Variants in RAI2 observed in about 807,000 individuals in gnomAD.
RAI2 encodes retinoic acid-induced protein 2.
In RAI2, 5 loss-of-function variants were observed where a neutral mutation model predicts 15.3. That is an observed-to-expected ratio of 0.33 (90% CI 0.17 to 0.69). The LOEUF (loss-of-function observed/expected upper bound fraction) is 0.69. RAI2 is among the 30% of genes least tolerant of loss of function. RAI2 has a pLI of 0.69. For missense variants in RAI2, 424 were observed against 424.7 expected, an observed-to-expected ratio of 1.00 and a Z score of 0.01; for synonymous variants, 191 against 184.0, an observed-to-expected ratio of 1.04 and a Z score of -0.31.
chrX:17,857,817 T>C (rs2067632675), intron 1 of RAI2, among the ~76,000 whole-genome samples: 1 of 112,146 alleles, frequency 8.9e-6, no homozygotes, highest in Non-Finnish European at 1.9e-5. Flanking sequence ...GACTCCAAGA[T>C]GAAAGGGTAC....
intron 1 of RAI2, among the ~76,000 whole-genome samples, chrX:17,822,342 G>T (rs146769452): frequency 3.6e-5 from 4 of 111,909 alleles, no homozygotes; most frequent in African/African-American, 9.8e-5. Context: ...AAACAGGAGA[G>T]AGACCCGTGA....
chrX:17,828,478 GC>G (rs2067249723), intron 1 of RAI2, among the ~76,000 whole-genome samples: 1 of 111,751 alleles, frequency 8.9e-6, no homozygotes, highest in Non-Finnish European at 1.9e-5. Flanking sequence ...TATTCCTCAA[GC>G]CCTTTTGCCT....
At chrX:17,805,236 C>T (rs757754023) in intron 1 of RAI2, among the ~76,000 whole-genome samples, 5 of 113,040 alleles carry the variant, frequency 4.4e-5, no homozygotes, top group South Asian at 3.6e-4. Context: ...CCTTCAACAC[C>T]GAGTGCATGT....
intron 1 of RAI2, among the ~76,000 whole-genome samples, chrX:17,849,210 G>C (rs1273737346): frequency 1.8e-5 from 2 of 112,640 alleles, no homozygotes; most frequent in Non-Finnish European, 3.8e-5. Context: ...TGTAAAGTCT[G>C]CAGAGAGCAG....
chrX:17,851,266 A>G (rs1386833210), intron 1 of RAI2, among the ~76,000 whole-genome samples: 1 of 112,587 alleles, frequency 8.9e-6, no homozygotes, highest in Non-Finnish European at 1.9e-5. Flanking sequence ...TTTCACATTC[A>G]ATAATTTTAT....
chrX:17,822,830 C>T (rs1309301210), intron 1 of RAI2, among the ~76,000 whole-genome samples: 2 of 112,151 alleles, frequency 1.8e-5, no homozygotes, highest in East Asian at 5.6e-4. Flanking sequence ...TCCACAAGAT[C>T]AAGACAACTT....
chrX:17,853,724 A>T (rs958606091), intron 1 of RAI2, among the ~76,000 whole-genome samples: 3 of 111,603 alleles, frequency 2.7e-5, no homozygotes, highest in Non-Finnish European at 5.7e-5. Flanking sequence ...AGGCAGGTTT[A>T]CATATATGTT....
chrX:17,837,179 T>C (rs922788002), intron 1 of RAI2, among the ~76,000 whole-genome samples: 1 of 111,028 alleles, frequency 9.0e-6, no homozygotes, highest in Non-Finnish European at 1.9e-5. Context: ...AGCACACAGA[T>C]AGGTGGAGGT....
chrX:17,823,266 T>C (rs187373669), intron 1 of RAI2, among the ~76,000 whole-genome samples: 1 of 112,315 alleles, frequency 8.9e-6, no homozygotes, highest in Admixed American at 9.4e-5. Context: ...ACATGGTAAA[T>C]ACTCAGTAGG....
At chrX:17,802,688 T>C (rs1358162854) in intron 1 of RAI2, among the ~76,000 whole-genome samples, 1 of 111,625 alleles carries the variant, frequency 9.0e-6, no homozygotes, top group Non-Finnish European at 1.9e-5. Context: ...GGTCATTGGG[T>C]CCACTGTCAC....
intron 1 of RAI2, among the ~76,000 whole-genome samples, chrX:17,830,704 T>C (rs1217303105): frequency 5.4e-5 from 6 of 110,991 alleles, no homozygotes; most frequent in African/African-American, 2.0e-4. Context: ...TATTGCTTCC[T>C]TGCAAAGGAA....
At chrX:17,802,977 C>T (rs182199341) in intron 1 of RAI2, among the ~76,000 whole-genome samples, 1 of 111,596 alleles carries the variant, frequency 9.0e-6, no homozygotes, top group East Asian at 2.8e-4. Flanking sequence ...TATTTGGCCT[C>T]GTTACCATGG....
chrX:17,849,888 CTCT>C (rs1417100987), intron 1 of RAI2, among the ~76,000 whole-genome samples: 1 of 112,637 alleles, frequency 8.9e-6, no homozygotes, highest in African/African-American at 3.2e-5. Flanking sequence ...TCCTTTTCTT[CTCT>C]TTTTTTCTTT....
chrX:17,821,743 G>A (rs1258029766), intron 1 of RAI2, among the ~76,000 whole-genome samples: 1 of 111,553 alleles, frequency 9.0e-6, no homozygotes, highest in African/African-American at 3.3e-5. Flanking sequence ...CAAAGGCTCA[G>A]AAAAGGTGAC....
chrX:17,801,336 G>A lies in RAI2; in HGVS notation c.675C>T (p.Val225=), dbSNP rs2066906483. ...ACGGCACCAAGAGGGTGGCTGGTGG[G>A]ACCAGGGGGGACAAGGGGGAGCTAA... The part of the protein sequence containing the change: ...QPFSSPLSPL[V]PPATLLVPYP... The change falls in exon 2 of 2, where the codon GTC becomes GTT. Residue 225 remains valine, a synonymous_variant. Coordinates refer to ENST00000451717, the MANE Select transcript of RAI2 (RefSeq NM_021785.6). 1 of 1,156,842 alleles carries A rather than the reference G, an allele frequency of 8.6e-7. No individual in the cohort carries two copies. Among genetic ancestry groups the A allele is most frequent in the Non-Finnish European group, 1.2e-6 (1 of 869,178 alleles).
intron 1 of RAI2, among the ~76,000 whole-genome samples, chrX:17,823,927 C>T (rs2067198700): frequency 9.0e-6 from 1 of 111,435 alleles, no homozygotes; most frequent in Non-Finnish European, 1.9e-5. Flanking sequence ...TCAGGAGGCC[C>T]AGACACAATC....
At chrX:17,803,183 C>T (rs17312555) in intron 1 of RAI2, among the ~76,000 whole-genome samples, 2,671 of 111,271 alleles carry the variant, frequency 0.024, 39 homozygotes, top group Non-Finnish European at 0.04. Context: ...AAATTACCAA[C>T]ACAACCTCCA....
intron 1 of RAI2, among the ~76,000 whole-genome samples, chrX:17,846,960 T>C (rs2067468553): frequency 9.0e-6 from 1 of 111,584 alleles, no homozygotes; most frequent in African/African-American, 3.3e-5. Context: ...CTCAAGAGAT[T>C]TGATGGTTTT....
At position 17,826,978 on chromosome X, in the gene RAI2, T is replaced by A. The variant is rs778120033; in HGVS notation, c.-24-24944A>T. Reference sequence around the variant, plus strand: ...TCTTTATAGCAATGTGAAAACAAACTAATGCATAGATTCCATTTATTTTGG... The same window carrying A: ...TCTTTATAGCAATGTGAAAACAAACAAATGCATAGATTCCATTTATTTTGG... On this transcript the variant is annotated intron_variant, in intron 1 of 1. Transcript: ENST00000451717. Among the ~76,000 whole-genome samples, 69 of 112,678 alleles carry A rather than the reference T, an allele frequency of 6.1e-4. 1 individual carries two copies. Among genetic ancestry groups the A allele is most frequent in the African/African-American group, 2.1e-3 (65 of 31,043 alleles).
Sources: allele counts gnomAD v4.1 joint callset (sites outside exome capture counted in the v4.1 genomes callset), GRCh38; gene constraint gnomAD v4.1.1; transcripts MANE v1.5; gene names NCBI Gene and HGNC (gene_info 2026-07-23, HGNC 2026-07-21).